Variants in CMKLR1 observed in about 807,000 individuals in gnomAD.
CMKLR1 encodes chemerin-like receptor 1.
CMKLR1 carries 6 observed loss-of-function variants against 8.2 expected under a neutral mutation model. The observed-to-expected ratio is 0.73, with a 90% CI of 0.40 to 1.44. The LOEUF (loss-of-function observed/expected upper bound fraction) is 1.44. Ranked by LOEUF, CMKLR1 falls within the 40% of genes most tolerant of loss-of-function variation. CMKLR1 has a pLI of 0.02. For missense variants in CMKLR1, 429 were observed against 478.0 expected (o/e 0.90, Z 0.96); for synonymous variants, 178 against 181.2 (o/e 0.98, Z 0.14).
chr12:108,339,017 G>A lies in CMKLR1; in HGVS notation c.-287+10C>T, dbSNP rs1405577802. 1 of 152,202 alleles carries A rather than the reference G, an allele frequency of 6.6e-6. No individual in the cohort carries two copies. The highest frequency in any genetic ancestry group is 1.5e-5 in the Non-Finnish European group (1 of 68,034). The allele number at this position is 152,202 out of a possible 1,614,324, so 9.4% of individuals were successfully genotyped here. On this transcript the variant is annotated intron_variant, in intron 1 of 3. Transcript: ENST00000550402. ...CTCAGAAGACACCCAAGGCAAGTGTGTGATGATACCTTCCCTCTGGTCTCT... is the reference window on the plus strand; with the variant it reads ...CTCAGAAGACACCCAAGGCAAGTGTATGATGATACCTTCCCTCTGGTCTCT...
At chr12:108,299,797 C>G (rs527939323) in intron 2 of CMKLR1, among the ~76,000 whole-genome samples, 28 of 152,282 alleles carry the variant, frequency 1.8e-4, no homozygotes, top group Non-Finnish European at 3.5e-4. Flanking sequence ...TCCCCTGGAG[C>G]CTTCAGAGGG....
At chr12:108,335,199 A>T (rs534230201) in intron 1 of CMKLR1, among the ~76,000 whole-genome samples, 6 of 152,322 alleles carry the variant, frequency 3.9e-5, no homozygotes, top group Non-Finnish European at 7.4e-5. Context: ...TGTCCACAAT[A>T]CACGACTGTG....
rs75114547 is a variant in CMKLR1 at position 108,331,357 on chromosome 12, G to A, written c.-286-1150C>T. Reference sequence around the variant, plus strand: ...GATGCCAAAGTCTGGTTCCTGGTTCGGTCCTGATAATCACTGAATACTCCC... The same window carrying A: ...GATGCCAAAGTCTGGTTCCTGGTTCAGTCCTGATAATCACTGAATACTCCC... On this transcript the variant is annotated intron_variant, in intron 1 of 3. Coordinates refer to ENST00000550402, the MANE Select transcript of CMKLR1 (RefSeq NM_001142343.2). Among the ~76,000 whole-genome samples the A allele has an allele frequency of 1.1e-3, 162 of 152,278 alleles. 1 individual carries two copies. The East Asian group carries it at 0.023, about 22-fold the overall frequency.
chr12:108,321,703 C>A (rs923816123), intron 2 of CMKLR1, among the ~76,000 whole-genome samples: 5 of 152,154 alleles, frequency 3.3e-5, no homozygotes, highest in African/African-American at 1.2e-4. Flanking sequence ...TTGACTCATT[C>A]CTCTCCTCTG....
At chr12:108,330,818 G>A (rs1747119485) in intron 1 of CMKLR1, among the ~76,000 whole-genome samples, 1 of 152,218 alleles carries the variant, frequency 6.6e-6, no homozygotes, top group African/African-American at 2.4e-5. Flanking sequence ...CCCATTGATA[G>A]TAGAACAGCT....
intron 1 of CMKLR1, among the ~76,000 whole-genome samples, chr12:108,336,875 C>G (rs1056936186): frequency 6.6e-6 from 1 of 152,226 alleles, no homozygotes; most frequent in Non-Finnish European, 1.5e-5. Flanking sequence ...AACAAATCCT[C>G]TGCTTACAGC....
At chr12:108,296,823 CAA>C (rs372405165) in intron 2 of CMKLR1, among the ~76,000 whole-genome samples, 10 of 135,954 alleles carry the variant, frequency 7.4e-5, no homozygotes, top group Admixed American at 7.4e-5. Flanking sequence ...AGACTGTCTT[CAA>C]AAAAAAAAAA....
rs1016965854 is a variant in CMKLR1, at chr12:108,292,403, A to G, written c.560T>C (p.Ile187Thr). 6.2e-7 allele frequency: 1 copy of G among 1,613,930 alleles called. No homozygotes were observed. The highest frequency in any genetic ancestry group is 1.3e-5 in the African/African-American group (1 of 74,864). Reference protein sequence around the residue: ...FRDTANLHGKISCFNNFSLST... With the variant: ...FRDTANLHGKTSCFNNFSLST... Reference sequence around the variant, plus strand: ...CAGGCTGAAGTTGTTGAAGCAGGATATTTTCCCATGCAGGTTGGCTGTGTC... The same window carrying G: ...CAGGCTGAAGTTGTTGAAGCAGGATGTTTTCCCATGCAGGTTGGCTGTGTC... The change falls in exon 4 of 4, where the codon ATA becomes ACA. Residue 187 changes from isoleucine (I) to threonine (T), a missense_variant. By Grantham distance (89) the Ile-to-Thr change is moderately conservative. Coordinates refer to ENST00000550402, the MANE Select transcript of CMKLR1 (RefSeq NM_001142343.2).
intron 2 of CMKLR1, among the ~76,000 whole-genome samples, chr12:108,304,915 G>A (rs567171515): frequency 1.2e-4 from 18 of 152,340 alleles, no homozygotes; most frequent in Non-Finnish European, 1.9e-4. Flanking sequence ...GCCTGTGGGC[G>A]TAAGAGCCCA....
At chr12:108,313,387 C>T (rs913920092) in intron 2 of CMKLR1, among the ~76,000 whole-genome samples, 2 of 152,092 alleles carry the variant, frequency 1.3e-5, no homozygotes, top group African/African-American at 4.8e-5. Context: ...CCTCATCTTA[C>T]AGGAAAAGGG....
At chr12:108,315,619 T>C (rs1004583969) in intron 2 of CMKLR1, among the ~76,000 whole-genome samples, 1 of 152,090 alleles carries the variant, frequency 6.6e-6, no homozygotes, top group African/African-American at 2.4e-5. Context: ...GATGAGAAAA[T>C]GGAGGCTCAG....
chr12:108,329,747 G>T (rs1271251239), intron 2 of CMKLR1, among the ~76,000 whole-genome samples: 1 of 152,136 alleles, frequency 6.6e-6, no homozygotes, highest in African/African-American at 2.4e-5. Flanking sequence ...CACTCAACAG[G>T]AGCTCCCTGT....
intron 2 of CMKLR1, among the ~76,000 whole-genome samples, chr12:108,313,565 G>C (rs746893197): frequency 6.6e-6 from 1 of 152,124 alleles, no homozygotes; most frequent in Non-Finnish European, 1.5e-5. Context: ...ATATACGTAG[G>C]GTGCATAGGG....
intron 2 of CMKLR1, among the ~76,000 whole-genome samples, chr12:108,307,810 T>G (rs1891447689): frequency 6.6e-6 from 1 of 152,256 alleles, no homozygotes; most frequent in African/African-American, 2.4e-5. Context: ...TGGTCCTGGC[T>G]GGGTGACCTG....
chr12:108,328,973 G>A (rs897639256), intron 2 of CMKLR1, among the ~76,000 whole-genome samples: 1 of 152,148 alleles, frequency 6.6e-6, no homozygotes, highest in Non-Finnish European at 1.5e-5. Flanking sequence ...GTGGTGGGAG[G>A]GGGACCCACC....
At chr12:108,299,674 A>G (rs190322089) in intron 2 of CMKLR1, among the ~76,000 whole-genome samples, 3 of 152,284 alleles carry the variant, frequency 2.0e-5, no homozygotes, top group African/African-American at 7.2e-5. Context: ...AAGATTTCAC[A>G]TGGACACAGA....
At chr12:108,335,854 T>C (rs1455834434) in intron 1 of CMKLR1, among the ~76,000 whole-genome samples, 1 of 152,224 alleles carries the variant, frequency 6.6e-6, no homozygotes, top group Non-Finnish European at 1.5e-5. Flanking sequence ...CACTTCCCCA[T>C]AAGACTTTCA....
At chr12:108,293,746 TAAGA>T (rs1234463273) in intron 2 of CMKLR1, 82 bp from the exon 3 acceptor site, 35 of 724,544 alleles carry the variant, frequency 4.8e-5, no homozygotes, top group Non-Finnish European at 7.8e-5. Flanking sequence ...CAGCCAGAAA[TAAGA>T]TCTGTTGTTC....
At position 108,293,582 on chromosome 12, in the gene CMKLR1, TC is replaced by T. The variant is rs1325433137; in HGVS notation, c.3+6del. 2 of 1,551,206 alleles carry T rather than the reference TC, an allele frequency of 1.3e-6. No homozygotes were observed. The highest frequency in any genetic ancestry group is 1.7e-6 in the Non-Finnish European group (2 of 1,146,974). On this transcript the variant is annotated splice_donor_region_variant and intron_variant, in intron 3 of 3. Coordinates refer to ENST00000550402, the MANE Select transcript of CMKLR1 (RefSeq NM_001142343.2). ...CCTTTGGAGTTCAGACCACAAGACT[TC>T]CTCACCATTCACCGTTATGTTGTCT...
Sources: gnomAD v4.1 joint callset for allele counts (sites outside exome capture counted in the v4.1 genomes callset) on GRCh38, gnomAD v4.1.1 for gene constraint, MANE v1.5 for transcripts, NCBI Gene and HGNC (gene_info 2026-07-23, HGNC 2026-07-21) for gene names.